The following ARL10 variants were observed in gnomAD, a reference collection of about 807,000 sequenced individuals.
ARL10 encodes ADP-ribosylation factor-like protein 10.
A neutral mutation model predicts 26.1 loss-of-function variants in ARL10; 23 were observed. The observed-to-expected ratio is 0.88, with a 90% CI of 0.63 to 1.25. ARL10 has a LOEUF of 1.25. Ranked by LOEUF, ARL10 falls within the 50% of genes most tolerant of loss-of-function variation. The pLI is 0.00. For missense variants in ARL10, 300 were observed against 323.6 expected, an observed-to-expected ratio of 0.93 and a Z score of 0.56; for synonymous variants, 138 against 149.1, an observed-to-expected ratio of 0.93 and a Z score of 0.54.
chr5:176,403,497 C>T (rs113929228), downstream of ARL10, among the ~76,000 whole-genome samples: 369 of 152,098 alleles, frequency 2.4e-3, 2 homozygotes, highest in African/African-American at 8.4e-3. Flanking sequence ...CTCTGTCACC[C>T]AGGCTGGAGT....
At chr5:176,383,374 G>T (rs991806682), downstream of ARL10, among the ~76,000 whole-genome samples, 1 of 152,208 alleles carries the variant, frequency 6.6e-6, no homozygotes, top group Non-Finnish European at 1.5e-5. Flanking sequence ...TCCATACCCT[G>T]CTTGTGATCC....
chr5:176,403,077 T>A (rs1295027989), downstream of ARL10, among the ~76,000 whole-genome samples: 2 of 138,902 alleles, frequency 1.4e-5, no homozygotes, highest in Non-Finnish European at 3.1e-5. Context: ...TGAGGCGGAG[T>A]CTCGCTCTGT....
chr5:176,388,349 G>C, exon 2 of ARL10: 4 of 1,613,778 alleles, frequency 2.5e-6, no homozygotes, highest in Non-Finnish European at 3.4e-6. Context: ...GGGAGCTACC[G>C]GCAAAGAGAG....
Position 176,373,237 on chromosome 5 carries a change from T to G in ARL10, c.*1342T>G, listed in dbSNP as rs181670637. ...ATCACTCAGCCTTTCTGGACCCAATTTTTCCCCAGTGAAAGCCAAGTTGGA... is the reference window on the plus strand; with the variant it reads ...ATCACTCAGCCTTTCTGGACCCAATGTTTCCCCAGTGAAAGCCAAGTTGGA... On this transcript the variant is annotated 3_prime_UTR_variant, in exon 4 of 4. Coordinates refer to ENST00000310389, the MANE Select transcript of ARL10 (RefSeq NM_173664.6). 5.1e-6 allele frequency: 2 copies of G among 392,568 alleles called. No homozygotes were observed. The highest frequency in any genetic ancestry group is 9.0e-6 in the Non-Finnish European group (2 of 222,842). 24.3% of individuals were successfully genotyped at this position (392,568 alleles called of 1,614,324 possible). A position where few individuals can be genotyped will look rare whatever the true frequency, so the allele number is the denominator to read the frequency against.
chr5:176,368,123 G>A lies in ARL10; in HGVS notation c.386-684G>A. 2.1e-6 allele frequency: 1 copy of A among 470,414 alleles called. No homozygotes were observed. The allele number at this position is 470,414 out of a possible 1,614,324, so 29.1% of individuals were successfully genotyped here. On this transcript the variant is annotated intron_variant, in intron 2 of 3. Transcript: ENST00000310389. This position sits in a 1 kb window ranked among gnomAD's most constrained non-coding sequence, Gnocchi z 4.1. ...AGCCAGAAACACTAGGGTGCGGGGTGACCAATGGGACTGTGCAGAGGAGCA... is the reference window on the plus strand; with the variant it reads ...AGCCAGAAACACTAGGGTGCGGGGTAACCAATGGGACTGTGCAGAGGAGCA...
At chr5:176,398,582 C>T (rs1460652225) in intron 1 of ARL10, among the ~76,000 whole-genome samples, 2 of 151,852 alleles carry the variant, frequency 1.3e-5, no homozygotes, top group Non-Finnish European at 2.9e-5. Context: ...CGTGGTGGTG[C>T]ATGCCTGTAA....
intron 1 of ARL10, among the ~76,000 whole-genome samples, chr5:176,396,802 C>A (rs930847408): frequency 6.6e-6 from 1 of 152,176 alleles, no homozygotes; most frequent in Non-Finnish European, 1.5e-5. Context: ...CCCCACTGCC[C>A]ATGTCACTGC....
Position 176,394,610 on chromosome 5 carries a change from G to T in ARL10, c.134-7131G>T, listed in dbSNP as rs62402493. Reference sequence around the variant, plus strand: ...AGGTGGGCGGATCACGAGGTCAGATGGAGAGCATCCTGGCTAACACGGTGA... The same window carrying T: ...AGGTGGGCGGATCACGAGGTCAGATTGAGAGCATCCTGGCTAACACGGTGA... On this transcript the variant is annotated intron_variant, in intron 1 of 1. Coordinates refer to the ARL10 transcript ENST00000514533. 8.8e-3 allele frequency among the ~76,000 whole-genome samples: 1,342 copies of T among 151,894 alleles called. 10 individuals are homozygous for T. The highest frequency in any genetic ancestry group is 0.014 in the Middle Eastern group (4 of 292).
chr5:176,393,411 G>A (rs1277451918), downstream of ARL10, among the ~76,000 whole-genome samples: 1 of 152,196 alleles, frequency 6.6e-6, no homozygotes, highest in Non-Finnish European at 1.5e-5. This position sits in a 1 kb window ranked among gnomAD's most constrained non-coding sequence, Gnocchi z 4.4. Context: ...CCATCTAACA[G>A]AAGCACCTAG....
In ARL10 at chr5:176,381,047, C is replaced by A. The variant is rs1755542291; in HGVS notation, c.*9152C>A. On this transcript the variant is annotated 3_prime_UTR_variant, in exon 4 of 4. Transcript: ENST00000310389. ...CCTCCCAAAGTGCTGGGATTACAGG[C>A]ATCAGCCACCACACCCAGCCCCATA... 6.6e-6 allele frequency: 1 copy of A among 152,224 alleles called. No individual in the cohort carries two copies. Among genetic ancestry groups the A allele is most frequent in the African/African-American group, 2.4e-5 (1 of 41,440 alleles). The allele number at this position is 152,224 out of a possible 1,614,324, so 9.4% of individuals were successfully genotyped here. A position where few individuals can be genotyped will look rare whatever the true frequency, so the allele number is the denominator to read the frequency against.
intron 2 of ARL10, among the ~76,000 whole-genome samples, chr5:176,366,818 A>G (rs1768326795): frequency 6.6e-6 from 1 of 152,120 alleles, no homozygotes; most frequent in Non-Finnish European, 1.5e-5. Flanking sequence ...ACCAAAGTCG[A>G]TAGGCCTAAC....
chr5:176,366,601 C>T lies in ARL10; in HGVS notation c.385+20C>T, dbSNP rs758697496. 1.2e-6 allele frequency: 2 copies of T among 1,612,396 alleles called. No individual in the cohort carries two copies. Among genetic ancestry groups the T allele is most frequent in the Middle Eastern group, 1.7e-4 (1 of 6,052 alleles). On this transcript the variant is annotated intron_variant, in intron 2 of 3. Coordinates refer to ENST00000310389, the MANE Select transcript of ARL10 (RefSeq NM_173664.6). ...TAGAAAGTGAGCGGACACCCTACCC[C>T]ATCTCCCCGTCTCCTCTACTGGACC...
downstream of ARL10, chr5:176,388,710 T>C (rs1756104503): frequency 6.1e-6 from 9 of 1,476,392 alleles, no homozygotes; most frequent in African/African-American, 2.8e-5. Flanking sequence ...GCAACGAGCA[T>C]TTGCGCCTGC....
intron 3 of ARL10, among the ~76,000 whole-genome samples, chr5:176,369,653 A>C (rs780967358): frequency 6.6e-5 from 10 of 152,140 alleles, no homozygotes; most frequent in Admixed American, 2.6e-4. Context: ...AAGGTTGTAC[A>C]TCTTGAGAGT....
At chr5:176,410,397 T>G in the ARL10 span, 1 of 919,640 alleles carries the variant, frequency 1.1e-6, no homozygotes, top group South Asian at 1.5e-5. Flanking sequence ...AAACTCTGTG[T>G]ATACCCATGT....
At position 176,372,653 on chromosome 5, in the gene ARL10, T is replaced by C; in HGVS notation, c.*758T>C. ...AACAGAAAAAGTGAAGGCTGGGTTT[T>C]TCCCCTCTAATCTGGAGACAAGCTG... On this transcript the variant is annotated 3_prime_UTR_variant, in exon 4 of 4. Coordinates refer to ENST00000310389, the MANE Select transcript of ARL10 (RefSeq NM_173664.6). 2.8e-6 allele frequency: 1 copy of C among 360,118 alleles called. No individual in the cohort carries two copies. The highest frequency in any genetic ancestry group is 4.9e-6 in the Non-Finnish European group (1 of 202,388). The allele number at this position is 360,118 out of a possible 1,614,324, so 22.3% of individuals were successfully genotyped here. A position where few individuals can be genotyped will look rare whatever the true frequency, so the allele number is the denominator to read the frequency against.
At chr5:176,387,723 G>A (rs1755995910) in intron 1 of ARL10, among the ~76,000 whole-genome samples, 1 of 152,308 alleles carries the variant, frequency 6.6e-6, no homozygotes, top group East Asian at 1.9e-4. Flanking sequence ...CCAACATAGC[G>A]AAACCCTGCC....
chr5:176,398,159 A>C, intron 1 of ARL10: 9 of 872,560 alleles, frequency 1.0e-5, no homozygotes, highest in Non-Finnish European at 1.5e-5. Flanking sequence ...AAACAACCTC[A>C]TACCCACTGT....
chr5:176,400,677 C>T (rs1301284503), intron 1 of ARL10, among the ~76,000 whole-genome samples: 1 of 152,208 alleles, frequency 6.6e-6, no homozygotes, highest in Non-Finnish European at 1.5e-5. Context: ...GCGCTTCTGT[C>T]TCCCCTCCCA....
Sources: gnomAD v4.1 joint callset for allele counts (sites outside exome capture counted in the v4.1 genomes callset) on GRCh38, gnomAD v4.1.1 for gene constraint, Gnocchi (gnomAD v3.1) non-coding constraint, MANE v1.5 for transcripts, NCBI Gene and HGNC (gene_info 2026-07-23, HGNC 2026-07-21) for gene names.